Variants in MALRD1 observed in about 807,000 individuals in gnomAD.
MALRD1 encodes the protein MAM and LDL receptor class A domain containing 1.
In MALRD1, 247 loss-of-function variants were observed where a neutral mutation model predicts 242.1. That is an observed-to-expected ratio of 1.02 (90% confidence interval 0.92 to 1.13). MALRD1 has a LOEUF of 1.13. MALRD1 is among the 50% of genes most tolerant of loss of function. The pLI is 0.00. For synonymous variants in MALRD1, 995 were observed against 866.6 expected (o/e 1.15, Z -2.60); for missense variants, 2,989 against 2,533.1 (o/e 1.18, Z -3.86).
intron 21 of MALRD1, among the ~76,000 whole-genome samples, chr10:19,283,491 C>A (rs1388275404): frequency 6.6e-6 from 1 of 152,050 alleles, no homozygotes; most frequent in Non-Finnish European, 1.5e-5. Context: ...CTTGCCTCCC[C>A]AAATGTCTTT....
intron 18 of MALRD1, among the ~76,000 whole-genome samples, chr10:19,253,544 C>A (rs1479476907): frequency 6.6e-6 from 1 of 151,916 alleles, no homozygotes; most frequent in Non-Finnish European, 1.5e-5. Context: ...ATACTCAAGT[C>A]CTGCACTGGA....
chr10:19,382,164 C>T (rs1845864413), intron 26 of MALRD1, among the ~76,000 whole-genome samples: 1 of 152,152 alleles, frequency 6.6e-6, no homozygotes. Flanking sequence ...GAGTCTCAGA[C>T]TTCATTGTGC....
chr10:19,319,302 C>T (rs762953135), intron 21 of MALRD1, among the ~76,000 whole-genome samples: 30 of 152,006 alleles, frequency 2.0e-4, no homozygotes, highest in Non-Finnish European at 4.1e-4. Context: ...TTATTATTTT[C>T]GAATGCTGTG....
At chr10:19,126,680 A>T (rs1390257467) in intron 7 of MALRD1, among the ~76,000 whole-genome samples, 2 of 151,702 alleles carry the variant, frequency 1.3e-5, no homozygotes, top group Non-Finnish European at 2.9e-5. Flanking sequence ...CATTATATTT[A>T]TATATTTTAC....
chr10:19,330,617 T>C (rs1488425830), intron 23 of MALRD1, among the ~76,000 whole-genome samples: 1 of 152,180 alleles, frequency 6.6e-6, no homozygotes, highest in Non-Finnish European at 1.5e-5. Flanking sequence ...TATGTGATGT[T>C]TTATGTACCT....
intron 36 of MALRD1, among the ~76,000 whole-genome samples, chr10:19,620,930 AAGCAT>A (rs1275020318): frequency 6.6e-6 from 1 of 151,910 alleles, no homozygotes; most frequent in Non-Finnish European, 1.5e-5. Flanking sequence ...ACTATTGAGT[AAGCAT>A]ATGATGTGTT....
chr10:19,519,528 G>A (rs59035508), intron 31 of MALRD1, among the ~76,000 whole-genome samples: 31,895 of 152,060 alleles, frequency 0.21, 5,162 homozygotes, highest in African/African-American at 0.46. Flanking sequence ...TTGGCAGGCC[G>A]TCGCAGGAGG....
At chr10:19,490,214 ATC>A (rs927016869) in intron 29 of MALRD1, among the ~76,000 whole-genome samples, 1 of 152,114 alleles carries the variant, frequency 6.6e-6, no homozygotes, top group African/African-American at 2.4e-5. Flanking sequence ...AAGAAAAAAT[ATC>A]TTTTTATCTT....
At chr10:19,252,053 C>G (rs10827157) in intron 18 of MALRD1, among the ~76,000 whole-genome samples, 12,825 of 152,014 alleles carry the variant, frequency 0.084, 730 homozygotes, top group African/African-American at 0.16. Flanking sequence ...TCAATGAAAC[C>G]TCTTTTCTTT....
intron 29 of MALRD1, among the ~76,000 whole-genome samples, chr10:19,452,121 G>A (rs1835362405): frequency 6.6e-6 from 1 of 152,086 alleles, no homozygotes. Flanking sequence ...AACTTGAAAA[G>A]GAAAAATTCT....
intron 19 of MALRD1, among the ~76,000 whole-genome samples, chr10:19,266,647 A>C (rs1042872364): frequency 2.0e-5 from 3 of 151,978 alleles, no homozygotes; most frequent in Non-Finnish European, 4.4e-5. Context: ...AAATACTAAA[A>C]GATAAATGTT....
At chr10:19,535,576 C>CATATACATATATATACACATAT (rs1564422240) in intron 32 of MALRD1, among the ~76,000 whole-genome samples, 9 of 147,612 alleles carry the variant, frequency 6.1e-5, no homozygotes, top group African/African-American at 1.8e-4. Context: ...TATGTATATA[C>CATATACATATATATACACATAT]GTATATATAT....
intron 18 of MALRD1, among the ~76,000 whole-genome samples, chr10:19,226,082 T>C (rs551766137): frequency 8.5e-5 from 13 of 152,256 alleles, no homozygotes; most frequent in African/African-American, 3.1e-4. Context: ...ATAACCATTA[T>C]GAACTTAGAT....
Position 19,730,746 on chromosome 10 carries a change from G to T in MALRD1, c.6355G>T (p.Val2119Phe), listed in dbSNP as rs922483418. The change falls in exon 39 of 40, where the codon GTT (valine) becomes TTT (phenylalanine). Residue 2119 changes from valine (V) to phenylalanine (F), a missense_variant. By Grantham distance (50) the Val-to-Phe change is conservative. Coordinates refer to ENST00000454679, the MANE Select transcript of MALRD1 (RefSeq NM_001142308.3). ...TGGTAACTGTGCCTTTGTCAATCCA[G>T]TTTACGGGAACTGGAGCAACCCAGA... ...GSGNCAFVNP[V>F]YGNWSNPEKT... The T allele has an allele frequency of 2.3e-5, 35 of 1,536,702 alleles. No individual in the cohort carries two copies. The highest frequency in any genetic ancestry group is 3.0e-5 in the Non-Finnish European group (34 of 1,147,040).
intron 19 of MALRD1, among the ~76,000 whole-genome samples, chr10:19,278,934 A>C (rs935766699): frequency 2.0e-5 from 3 of 152,236 alleles, no homozygotes; most frequent in Admixed American, 6.5e-5. Context: ...GGAAAAATAT[A>C]TACATATTTA....
intron 24 of MALRD1, among the ~76,000 whole-genome samples, chr10:19,338,196 T>C (rs1481065386): frequency 6.9e-6 from 1 of 144,376 alleles, no homozygotes; most frequent in Non-Finnish European, 1.5e-5. Flanking sequence ...AACTCCATAG[T>C]TTACATTAGG....
intron 19 of MALRD1, among the ~76,000 whole-genome samples, chr10:19,260,904 A>G (rs915599124): frequency 2.6e-5 from 4 of 152,200 alleles, no homozygotes; most frequent in Non-Finnish European, 4.4e-5. Context: ...GGAAGAGGCT[A>G]CAATCTCCAG....
intron 32 of MALRD1, among the ~76,000 whole-genome samples, chr10:19,567,163 C>T (rs536268072): frequency 2.6e-4 from 40 of 152,218 alleles, no homozygotes; most frequent in African/African-American, 9.1e-4. Context: ...GTCACACAAC[C>T]TTAGTCTAAC....
chr10:19,715,456 G>A (rs1361837269), intron 38 of MALRD1, among the ~76,000 whole-genome samples: 3 of 151,742 alleles, frequency 2.0e-5, no homozygotes, highest in African/African-American at 7.3e-5. Context: ...CAACTGTGGG[G>A]CTTTGAGGTA....
Sources: gnomAD v4.1 joint callset for allele counts (sites outside exome capture counted in the v4.1 genomes callset) on GRCh38, gnomAD v4.1.1 for gene constraint, MANE v1.5 for transcripts, NCBI Gene and HGNC (gene_info 2026-07-23, HGNC 2026-07-21) for gene names.